The following FCSK variants were observed in gnomAD, a reference collection of about 807,000 sequenced individuals.
FCSK encodes the protein L-fucose kinase.
In FCSK, 123 loss-of-function variants were observed where a neutral mutation model predicts 122.5. The observed-to-expected ratio is 1.00, with a 90% CI of 0.87 to 1.17. FCSK has a LOEUF of 1.17. Among genes scored for constraint, FCSK ranks in the 50% most tolerant of loss-of-function variants. The pLI, the probability that FCSK is intolerant of heterozygous loss-of-function variation, is 0.00. For synonymous variants in FCSK, 620 were observed against 625.5 expected, an observed-to-expected ratio of 0.99 and a Z score of 0.13; for missense variants, 1,366 against 1,450.4, an observed-to-expected ratio of 0.94 and a Z score of 0.95.
chr16:70,474,867 C>G lies in FCSK; in HGVS notation c.2233C>G (p.Arg745Gly). The change falls in exon 18 of 24, where the codon CGC becomes GGC. Residue 745 changes from arginine (R) to glycine (G), a missense_variant. Physicochemically the swap from Arg to Gly is moderately radical, Grantham distance 125. Coordinates refer to ENST00000288078, the MANE Select transcript of FCSK (RefSeq NM_145059.3). ...VLGLAVRVDG[R>G]RPIGARARRI... ...GGGCCTGGCTGTGCGAGTGGACGGCCGCCGGCCCATCGGAGCCAGGGCACG... is the reference window on the plus strand; with the variant it reads ...GGGCCTGGCTGTGCGAGTGGACGGCGGCCGGCCCATCGGAGCCAGGGCACG... The G allele has an allele frequency of 6.3e-7, 1 of 1,598,696 alleles. No individual in the cohort carries two copies. Among genetic ancestry groups the G allele is most frequent in the Non-Finnish European group, 8.5e-7 (1 of 1,174,284 alleles).
At chr16:70,462,705 C>A (rs750135078) in intron 1 of FCSK, among the ~76,000 whole-genome samples, 7 of 151,962 alleles carry the variant, frequency 4.6e-5, no homozygotes, top group Non-Finnish European at 7.4e-5. Context: ...AGTGCAGTGG[C>A]GCGATCTTGG....
In FCSK at chr16:70,469,284, C is replaced by T. The variant is rs533546546; in HGVS notation, c.916C>T (p.Gln306Ter). 1.2e-6 allele frequency: 2 copies of T among 1,611,716 alleles called. No homozygotes were observed. The highest frequency in any genetic ancestry group is 1.3e-5 in the African/African-American group (1 of 75,038). The change falls in exon 10 of 24, where the codon CAG becomes TAG. Residue 306 changes from glutamine to a stop codon, truncating the protein, a stop_gained. Coordinates refer to ENST00000288078, the MANE Select transcript of FCSK (RefSeq NM_145059.3). LOFTEE classifies it high-confidence loss of function. ...GGGTTATCTGCAGAGCGCCCGGGCCCAGCTGTGGAGGGAGCTTCGCGATCA... is the reference window on the plus strand; with the variant it reads ...GGGTTATCTGCAGAGCGCCCGGGCCTAGCTGTGGAGGGAGCTTCGCGATCA... ...VAGYLQSARA[Q>*]LWRELRDQPL...
In FCSK at chr16:70,468,913, C is replaced by T. The variant is rs779973404; in HGVS notation, c.728C>T (p.Pro243Leu). 2.8e-5 allele frequency: 45 copies of T among 1,613,890 alleles called. No homozygotes were observed. Among genetic ancestry groups the T allele is most frequent in the African/African-American group, 6.7e-5 (5 of 74,928 alleles). ...AERLLATHVSPPLDACTYLGL... is the reference protein window; with the variant it reads ...AERLLATHVSLPLDACTYLGL... ...CGCCTCCTAGCCACCCACGTGAGCC[C>T]GCCCCTGGATGCCTGCACCTACCTA... The change falls in exon 9 of 24, where the codon CCG becomes CTG. Residue 243 changes from proline (P) to leucine (L), a missense_variant. Pro to Leu is a moderately conservative substitution (Grantham distance 98). Coordinates refer to ENST00000288078, the MANE Select transcript of FCSK (RefSeq NM_145059.3).
At chr16:70,470,095 G>A (rs951409069) in intron 10 of FCSK, among the ~76,000 whole-genome samples, 3 of 152,178 alleles carry the variant, frequency 2.0e-5, no homozygotes, top group Admixed American at 6.5e-5. Context: ...TGCCTGCCTC[G>A]GCCTCCCAAA....
At chr16:70,464,928 G>A in intron 3 of FCSK, 198 bp from the exon 4 acceptor site, 1 of 1,165,544 alleles carries the variant, frequency 8.6e-7, no homozygotes, top group South Asian at 1.6e-5. Flanking sequence ...GGTGGCCCAG[G>A]TGGAGGGCCC....
At chr16:70,460,139 C>T (rs2048218861) in intron 1 of FCSK, among the ~76,000 whole-genome samples, 1 of 135,374 alleles carries the variant, frequency 7.4e-6, no homozygotes, top group East Asian at 2.2e-4. Context: ...CGGTGTCTCG[C>T]TCTGTCGCCC....
intron 20 of FCSK, chr16:70,476,140 C>G (rs1035460297): frequency 6.3e-6 from 1 of 158,200 alleles, no homozygotes; most frequent in African/African-American, 2.5e-5. Context: ...GTAGCTGGGA[C>G]TACAGGCGCC....
intron 3 of FCSK, 75 bp from the exon 4 acceptor site, chr16:70,465,051 C>T: frequency 1.3e-6 from 2 of 1,589,686 alleles, no homozygotes; most frequent in African/African-American, 2.7e-5. Context: ...TGGAGTCTCT[C>T]TCTGGATTCG....
intron 18 of FCSK, 66 bp from the exon 19 acceptor site, chr16:70,475,284 G>T: frequency 6.3e-7 from 1 of 1,576,916 alleles, no homozygotes; most frequent in South Asian, 1.1e-5. Flanking sequence ...GGGAAGTCCA[G>T]GGTGGGTGGG....
Position 70,466,127 on chromosome 16 carries a change from TC to T in FCSK, c.286-3del. 1 of 1,613,372 alleles carries T rather than the reference TC, an allele frequency of 6.2e-7. No homozygotes were observed. Among genetic ancestry groups the T allele is most frequent in the Non-Finnish European group, 8.5e-7 (1 of 1,179,476 alleles). ...AGGCTTCCTCACCAGTCCCCCGACT[TC>T]CAGGGTCGAGACTTCCCCTTTGATG... On this transcript the variant is annotated splice_region_variant and splice_polypyrimidine_tract_variant and intron_variant, in intron 4 of 23. Coordinates refer to ENST00000288078, the MANE Select transcript of FCSK (RefSeq NM_145059.3).
intron 1 of FCSK, chr16:70,454,853 G>A (rs1371826312): frequency 6.6e-6 from 1 of 152,282 alleles, no homozygotes; most frequent in African/African-American, 2.4e-5. Flanking sequence ...TCCAAGGGGA[G>A]CCCCGCGACC....
In FCSK at chr16:70,463,619, C is replaced by A. The variant is rs750010776; in HGVS notation, c.83-4C>A. The A allele has an allele frequency of 3.1e-6, 5 of 1,613,518 alleles. No individual in the cohort carries two copies. Among genetic ancestry groups the A allele is most frequent in the Non-Finnish European group, 4.2e-6 (5 of 1,179,980 alleles). On this transcript the variant is annotated splice_polypyrimidine_tract_variant and splice_region_variant and intron_variant, in intron 2 of 23. Coordinates refer to ENST00000288078, the MANE Select transcript of FCSK (RefSeq NM_145059.3). ...GCAGGTCCCAGTGTCTCTTCTGACC[C>A]TAGAACTGGAAGTGCGGCAGAAGCG... is the stretch of plus-strand genomic sequence containing the variant.
chr16:70,467,306 C>T (rs1022413507), intron 6 of FCSK, 68 bp from the exon 7 acceptor site: 5 of 1,166,066 alleles, frequency 4.3e-6, no homozygotes, highest in African/African-American at 3.1e-5. Flanking sequence ...CTCTTGCTTC[C>T]ACCTGGTGGG....
Position 70,473,570 on chromosome 16 carries a change from T to A in FCSK, c.1777+217T>A, listed in dbSNP as rs1197469884. ...GTTCATCCTTGTCAGTGGGGTTTGG[T>A]CAGAGGTTGAGGCCTGGCAGCTGAG... On this transcript the variant is annotated intron_variant, in intron 15 of 23. Transcript: ENST00000288078. The surrounding 1 kb of genome is among the most constrained non-coding windows in gnomAD (Gnocchi z 4.9). 6.6e-6 allele frequency among the ~76,000 whole-genome samples: 1 copy of A among 152,104 alleles called. No individual in the cohort carries two copies. The highest frequency in any genetic ancestry group is 1.5e-5 in the Non-Finnish European group (1 of 67,998).
chr16:70,478,173 C>T (rs2048873380), intron 20 of FCSK, 99 bp from the exon 21 acceptor site: 4 of 1,226,154 alleles, frequency 3.3e-6, no homozygotes, highest in Non-Finnish European at 4.6e-6. Context: ...GCTATCTTTC[C>T]ACACTGGTCC....
chr16:70,478,166 A>C (rs1479603381), intron 20 of FCSK, 106 bp from the exon 21 acceptor site: 1 of 1,117,372 alleles, frequency 8.9e-7, no homozygotes, highest in African/African-American at 1.6e-5. Context: ...GAGGGAAGCT[A>C]TCTTTCCACA....
intron 1 of FCSK, among the ~76,000 whole-genome samples, chr16:70,460,778 G>A (rs2048241175): frequency 6.6e-6 from 1 of 152,362 alleles, no homozygotes; most frequent in South Asian, 2.1e-4. Flanking sequence ...TGTCCCAGCT[G>A]TGCTCAGTCA....
At chr16:70,467,040 T>C (rs1388114903) in intron 6 of FCSK, 86 bp downstream of exon 6, 1 of 1,287,826 alleles carries the variant, frequency 7.8e-7, no homozygotes, top group Middle Eastern at 1.8e-4. Flanking sequence ...ACCCTGCCTC[T>C]GGGCCTGCCC....
intron 4 of FCSK, among the ~76,000 whole-genome samples, chr16:70,465,484 C>A (rs1282309937): frequency 1.3e-5 from 2 of 151,508 alleles, no homozygotes; most frequent in East Asian, 1.9e-4. Context: ...CATGGTGAAA[C>A]CTCATCTCTA....
Sources: gnomAD v4.1 joint callset for allele counts (sites outside exome capture counted in the v4.1 genomes callset) on GRCh38, gnomAD v4.1.1 for gene constraint, Gnocchi (gnomAD v3.1) non-coding constraint, MANE v1.5 for transcripts, NCBI Gene and HGNC (gene_info 2026-07-23, HGNC 2026-07-21) for gene names.